The following SYNPR variants were observed in gnomAD, a reference collection of about 807,000 sequenced individuals.
The protein encoded by SYNPR is synaptoporin.
Under a neutral mutation model 32.9 loss-of-function variants are expected in SYNPR, and 23 were observed. The ratio of observed to expected loss-of-function variants is 0.70; its 90% CI spans 0.50 to 0.99. The LOEUF is 0.99. Among genes scored for constraint, SYNPR ranks in the 50% least tolerant of loss-of-function variants. SYNPR has a pLI of 0.00. For synonymous variants in SYNPR, 146 were observed against 135.9 expected, an observed-to-expected ratio of 1.07 and a Z score of -0.52; for missense variants, 318 against 349.3, an observed-to-expected ratio of 0.91 and a Z score of 0.71.
At chr3:63,379,146 G>C (rs531548321) in intron 2 of SYNPR, among the ~76,000 whole-genome samples, 1 of 151,964 alleles carries the variant, frequency 6.6e-6, no homozygotes, top group South Asian at 2.1e-4. Flanking sequence ...TTTCTAGTTT[G>C]GTTTCATTGA....
At chr3:63,515,163 C>A (rs767957464) in intron 3 of SYNPR, among the ~76,000 whole-genome samples, 1 of 152,002 alleles carries the variant, frequency 6.6e-6, no homozygotes, top group Non-Finnish European at 1.5e-5. Context: ...TCTGCCCCCC[C>A]ATCTTTTCAA....
intron 2 of SYNPR, among the ~76,000 whole-genome samples, chr3:63,333,261 G>A (rs1560195121): frequency 6.6e-6 from 1 of 151,248 alleles, no homozygotes; most frequent in Non-Finnish European, 1.5e-5. Context: ...GTGAGTTCCT[G>A]CTGCTCACCA....
intron 2 of SYNPR, among the ~76,000 whole-genome samples, chr3:63,302,524 C>T (rs1243137490): frequency 6.6e-6 from 1 of 152,006 alleles, no homozygotes; most frequent in South Asian, 2.1e-4. Context: ...GTTCAGTATG[C>T]CTTCTTCTAT....
At chr3:63,452,224 A>G in intron 2 of SYNPR, 1 of 571,300 alleles carries the variant, frequency 1.8e-6, no homozygotes. Flanking sequence ...AAGATTTGGG[A>G]TACGGAGGTA....
chr3:63,473,561 A>G (rs767920748), intron 2 of SYNPR, among the ~76,000 whole-genome samples: 1 of 152,250 alleles, frequency 6.6e-6, no homozygotes, highest in Non-Finnish European at 1.5e-5. Flanking sequence ...AGGATTAAAT[A>G]ATACCAAACA....
At chr3:63,397,057 T>C (rs2088224489) in intron 2 of SYNPR, among the ~76,000 whole-genome samples, 1 of 133,904 alleles carries the variant, frequency 7.5e-6, no homozygotes, top group Admixed American at 8.8e-5. Flanking sequence ...TGAGCCAAGA[T>C]AGCGCCACTG....
intron 2 of SYNPR, among the ~76,000 whole-genome samples, chr3:63,398,230 T>G (rs1031270781): frequency 3.9e-5 from 6 of 152,190 alleles, no homozygotes; most frequent in African/African-American, 2.4e-5. Flanking sequence ...ACTGCATAGA[T>G]AGAGCGTAAG....
chr3:63,381,876 G>C (rs2087975457), intron 2 of SYNPR, among the ~76,000 whole-genome samples: 1 of 152,138 alleles, frequency 6.6e-6, no homozygotes, highest in Non-Finnish European at 1.5e-5. Context: ...GCTTTTAAGT[G>C]TACATCTTTG....
At chr3:63,507,294 A>G (rs917646780) in intron 3 of SYNPR, among the ~76,000 whole-genome samples, 3 of 152,188 alleles carry the variant, frequency 2.0e-5, no homozygotes, top group African/African-American at 7.2e-5. Context: ...GAAAAATAAT[A>G]TGTAATTGGT....
intron 2 of SYNPR, among the ~76,000 whole-genome samples, chr3:63,254,332 T>C (rs2086363477): frequency 1.3e-5 from 2 of 152,138 alleles, no homozygotes; most frequent in Non-Finnish European, 2.9e-5. Context: ...TAAAAAAACA[T>C]TTTAAAGCTG....
intron 2 of SYNPR, among the ~76,000 whole-genome samples, chr3:63,477,731 C>A (rs1026029507): frequency 3.3e-5 from 5 of 151,636 alleles, no homozygotes; most frequent in African/African-American, 1.2e-4. Context: ...TGGCTCCCCA[C>A]TGTCCATCTG....
chr3:63,482,530 C>A (rs1254978610), intron 3 of SYNPR, among the ~76,000 whole-genome samples: 1 of 152,122 alleles, frequency 6.6e-6, no homozygotes, highest in African/African-American at 2.4e-5. Flanking sequence ...CACCGTACAG[C>A]CCCTGTAAGA....
At chr3:63,514,285 G>GA (rs370930386) in intron 3 of SYNPR, among the ~76,000 whole-genome samples, 174 of 151,966 alleles carry the variant, frequency 1.1e-3, no homozygotes, top group African/African-American at 4.0e-3. Flanking sequence ...TGTTTTTTGG[G>GA]AAAAAAAAGC....
At chr3:63,451,076 G>A (rs77804067) in intron 2 of SYNPR, among the ~76,000 whole-genome samples, 1,995 of 152,206 alleles carry the variant, frequency 0.013, 49 homozygotes, top group African/African-American at 0.046. Context: ...TGGGGCCTTC[G>A]TATCTTCATC....
intron 4 of SYNPR, among the ~76,000 whole-genome samples, chr3:63,570,282 A>G (rs1020767486): frequency 6.6e-6 from 1 of 152,106 alleles, no homozygotes; most frequent in Non-Finnish European, 1.5e-5. Flanking sequence ...TCCCTGTGGA[A>G]TGGTCTCCGA....
At chr3:63,407,364 T>G (rs2088373967) in intron 2 of SYNPR, among the ~76,000 whole-genome samples, 1 of 152,192 alleles carries the variant, frequency 6.6e-6, no homozygotes, top group African/African-American at 2.4e-5. Flanking sequence ...GCTTATCATT[T>G]TATACTAAGG....
intron 2 of SYNPR, among the ~76,000 whole-genome samples, chr3:63,358,071 C>T (rs568798054): frequency 2.6e-4 from 39 of 152,282 alleles, no homozygotes; most frequent in Non-Finnish European, 1.9e-4. Flanking sequence ...GTGCCACATT[C>T]AATGGTAAGC....
intron 2 of SYNPR, among the ~76,000 whole-genome samples, chr3:63,394,260 G>C (rs2088183545): frequency 1.3e-5 from 2 of 152,046 alleles, no homozygotes; most frequent in African/African-American, 4.8e-5. Context: ...AACTTTCCTT[G>C]ACTATAATAC....
chr3:63,443,716 A>C (rs1700221762), intron 2 of SYNPR, among the ~76,000 whole-genome samples: 1 of 152,246 alleles, frequency 6.6e-6, no homozygotes, highest in Non-Finnish European at 1.5e-5. Flanking sequence ...CTTTGAACAT[A>C]GTAAGGAAAC....
Sources: gnomAD v4.1 joint callset for allele counts (sites outside exome capture counted in the v4.1 genomes callset) on GRCh38, gnomAD v4.1.1 for gene constraint, MANE v1.5 for transcripts, NCBI Gene and HGNC (gene_info 2026-07-23, HGNC 2026-07-21) for gene names.